COL14A1: variants seen among roughly 807,000 people sequenced by gnomAD.
The protein encoded by COL14A1 is collagen alpha-1(XIV) chain.
Under a neutral mutation model 230.3 loss-of-function variants are expected in COL14A1, and 136 were observed. That is an observed-to-expected ratio of 0.59 (90% CI 0.51 to 0.68). COL14A1 has a LOEUF of 0.68. Ranked by LOEUF, COL14A1 falls within the 30% of genes least tolerant of loss-of-function variation. COL14A1 has a pLI of 0.00. For missense variants in COL14A1, 1,976 were observed against 2,215.8 expected, an observed-to-expected ratio of 0.89 and a Z score of 2.17; for synonymous variants, 792 against 784.1, an observed-to-expected ratio of 1.01 and a Z score of -0.17.
In COL14A1 at chr8:120,147,854, C is replaced by T; in HGVS notation, c.12C>T (p.Phe4=). 6.2e-7 allele frequency: 1 copy of T among 1,613,460 alleles called. No individual in the cohort carries two copies. The highest frequency in any genetic ancestry group is 2.2e-5 in the East Asian group (1 of 44,860). MKI[F]QRKMRYWLLP... is the part of the protein sequence containing the mutation. ...AAGCGGAAAATAAAATGAAGATTTT[C>T]CAGCGCAAGATGCGGTACTGGTTGC... Residue 4 remains phenylalanine (F), a synonymous_variant, in exon 2 of 48, where the codon TTC becomes TTT. Transcript: ENST00000297848.
At chr8:120,331,588 G>A (rs560851062) in intron 40 of COL14A1, among the ~76,000 whole-genome samples, 2 of 152,280 alleles carry the variant, frequency 1.3e-5, no homozygotes, top group South Asian at 2.1e-4. Flanking sequence ...GGAATGAGGA[G>A]CAAACACGTG....
At chr8:120,251,440 T>C (rs896019858) in intron 22 of COL14A1, among the ~76,000 whole-genome samples, 2 of 152,168 alleles carry the variant, frequency 1.3e-5, no homozygotes, top group Non-Finnish European at 2.9e-5. Flanking sequence ...ACATATGCCA[T>C]CCATCAAAAG....
At chr8:120,179,673 C>T (rs1480518170) in intron 5 of COL14A1, among the ~76,000 whole-genome samples, 1 of 151,728 alleles carries the variant, frequency 6.6e-6, no homozygotes, top group Non-Finnish European at 1.5e-5. Flanking sequence ...TTAGAAAAAA[C>T]TACTTCACCA....
At chr8:120,172,711 G>A (rs1816134420) in intron 5 of COL14A1, among the ~76,000 whole-genome samples, 1 of 152,312 alleles carries the variant, frequency 6.6e-6, no homozygotes, top group Admixed American at 6.5e-5. Flanking sequence ...TTAGGCCAAT[G>A]TACAACTTTC....
At chr8:120,228,349 G>A (rs1310087627) in intron 17 of COL14A1, among the ~76,000 whole-genome samples, 1 of 152,154 alleles carries the variant, frequency 6.6e-6, no homozygotes, top group Non-Finnish European at 1.5e-5. Context: ...GTCCTGTTTG[G>A]CAGCCTTTTC....
chr8:120,279,155 G>A (rs977121965), intron 28 of COL14A1, among the ~76,000 whole-genome samples: 2 of 151,680 alleles, frequency 1.3e-5, no homozygotes, highest in Non-Finnish European at 2.9e-5. Context: ...TGTCGGGGGT[G>A]GGGGGCAAGG....
At chr8:120,233,061 A>G (rs1563686830) in intron 19 of COL14A1, among the ~76,000 whole-genome samples, 2 of 152,122 alleles carry the variant, frequency 1.3e-5, no homozygotes, top group Non-Finnish European at 2.9e-5. Flanking sequence ...GCATAAATGT[A>G]TTCTTTTGAG....
At chr8:120,190,499 A>T (rs1056493793) in intron 5 of COL14A1, among the ~76,000 whole-genome samples, 1 of 151,922 alleles carries the variant, frequency 6.6e-6, no homozygotes, top group African/African-American at 2.4e-5. Flanking sequence ...ATTAGATCCC[A>T]TTTGTCAATT....
At chr8:120,253,763 A>C (rs187769085) in intron 22 of COL14A1, among the ~76,000 whole-genome samples, 61 of 152,174 alleles carry the variant, frequency 4.0e-4, no homozygotes, top group Admixed American at 8.5e-4. Flanking sequence ...GTCTCTACTA[A>C]AAATATAAAA....
Position 120,280,112 on chromosome 8 carries a change from G to A in COL14A1, c.3646+13G>A, listed in dbSNP as rs775596142. On this transcript the variant is annotated intron_variant, in intron 29 of 47. Transcript: ENST00000297848. ...ACAGCATCAGCAAGTTAGTTCTTTG[G>A]AATTTGTACTTACTCATGTTGCTTA... 1.2e-5 allele frequency: 19 copies of A among 1,613,168 alleles called. No individual in the cohort carries two copies. Among genetic ancestry groups the A allele is most frequent in the Non-Finnish European group, 1.6e-5 (19 of 1,179,558 alleles).
chr8:120,187,066 AG>A (rs1182119597), intron 5 of COL14A1, among the ~76,000 whole-genome samples: 1 of 152,228 alleles, frequency 6.6e-6, no homozygotes, highest in Admixed American at 6.5e-5. Flanking sequence ...AAGGATGAAT[AG>A]GAGTTTACCT....
At chr8:120,209,938 T>G (rs1312052095) in intron 12 of COL14A1, 37 bp downstream of exon 12, 10 of 1,387,130 alleles carry the variant, frequency 7.2e-6, no homozygotes, top group Non-Finnish European at 9.5e-6. Context: ...CTAGAATCTT[T>G]TATTTCCTTA....
chr8:120,231,042 G>C (rs891089455), intron 18 of COL14A1, among the ~76,000 whole-genome samples: 1 of 152,176 alleles, frequency 6.6e-6, no homozygotes, highest in African/African-American at 2.4e-5. Context: ...GCAGGTGATT[G>C]GGATGTGTGT....
intron 25 of COL14A1, among the ~76,000 whole-genome samples, chr8:120,267,534 C>T (rs1372712384): frequency 6.6e-6 from 1 of 151,660 alleles, no homozygotes; most frequent in Non-Finnish European, 1.5e-5. Flanking sequence ...TATTATGTAC[C>T]ACCCAGAAGT....
Position 120,222,291 on chromosome 8 carries a change from T to A in COL14A1, c.1738-2797T>A, listed in dbSNP as rs373893089. 3.0e-4 allele frequency among the ~76,000 whole-genome samples: 46 copies of A among 152,288 alleles called. 1 individual carries two copies. In the South Asian group the frequency reaches 9.5e-3, roughly 32 times the overall value. ...TAAAAATGACCTATAATGTTATCAATCCCTGATTTAGAAGAAGATAATCCA... is the reference window on the plus strand; with the variant it reads ...TAAAAATGACCTATAATGTTATCAAACCCTGATTTAGAAGAAGATAATCCA... On this transcript the variant is annotated intron_variant, in intron 14 of 47. Coordinates refer to ENST00000297848, the MANE Select transcript of COL14A1 (RefSeq NM_021110.4).
chr8:120,172,195 G>T (rs1210774898), intron 5 of COL14A1, among the ~76,000 whole-genome samples: 2 of 152,082 alleles, frequency 1.3e-5, no homozygotes, highest in African/African-American at 4.8e-5. Context: ...CTGTTGCCCA[G>T]ACAGGAGTGC....
At chr8:120,237,943 G>T (rs1009779951) in intron 19 of COL14A1, among the ~76,000 whole-genome samples, 5 of 152,168 alleles carry the variant, frequency 3.3e-5, no homozygotes, top group African/African-American at 1.2e-4. Flanking sequence ...ATCAGCAGAG[G>T]CTGCAGAAAA....
At chr8:120,287,422 G>T (rs1248033708) in intron 33 of COL14A1, among the ~76,000 whole-genome samples, 1 of 152,054 alleles carries the variant, frequency 6.6e-6, no homozygotes, top group African/African-American at 2.4e-5. Context: ...AGAGTGTATT[G>T]CAAAATAGTA....
At chr8:120,134,947 C>A (rs141409118) in intron 1 of COL14A1, among the ~76,000 whole-genome samples, 1 of 152,200 alleles carries the variant, frequency 6.6e-6, no homozygotes, top group Non-Finnish European at 1.5e-5. Flanking sequence ...TGCACTCCAG[C>A]CTGGGTGACA....
Sources: allele counts gnomAD v4.1 joint callset (sites outside exome capture counted in the v4.1 genomes callset), GRCh38; gene constraint gnomAD v4.1.1; transcripts MANE v1.5; gene names NCBI Gene and HGNC (gene_info 2026-07-23, HGNC 2026-07-21).